Variants in SLC4A4 observed in about 807,000 individuals in gnomAD.
SLC4A4 encodes the protein electrogenic sodium bicarbonate cotransporter 1.
Under a neutral mutation model 111.5 loss-of-function variants are expected in SLC4A4, and 27 were observed. That is an observed-to-expected ratio of 0.24 (90% CI 0.18 to 0.33). The LOEUF (loss-of-function observed/expected upper bound fraction) is 0.33. Ranked by LOEUF, SLC4A4 falls within the 10% of genes least tolerant of loss-of-function variation. The pLI, the probability that SLC4A4 is intolerant of heterozygous loss-of-function variation, is 1.00. For missense variants in SLC4A4, 909 were observed against 1,315.5 expected, an observed-to-expected ratio of 0.69 and a Z score of 4.78; for synonymous variants, 443 against 463.4, an observed-to-expected ratio of 0.96 and a Z score of 0.57.
intron 6 of SLC4A4, among the ~76,000 whole-genome samples, chr4:71,387,678 G>A (rs955270040): frequency 2.2e-4 from 34 of 152,146 alleles, no homozygotes; most frequent in Middle Eastern, 3.4e-3. Flanking sequence ...ATTTTTAGTA[G>A]AGACGGAGTT....
intron 7 of SLC4A4, among the ~76,000 whole-genome samples, chr4:71,402,264 C>A (rs554159883): frequency 1.3e-5 from 2 of 152,108 alleles, no homozygotes; most frequent in African/African-American, 2.4e-5. Flanking sequence ...GGGGAATAAC[C>A]CCCAATCCTT....
At chr4:71,428,830 T>C (rs1723384388) in intron 7 of SLC4A4, among the ~76,000 whole-genome samples, 1 of 151,982 alleles carries the variant, frequency 6.6e-6, no homozygotes, top group South Asian at 2.1e-4. Context: ...ATGTATAGAA[T>C]GAGATAGCAA....
At chr4:71,422,795 T>G (rs1722682460) in intron 7 of SLC4A4, among the ~76,000 whole-genome samples, 1 of 152,156 alleles carries the variant, frequency 6.6e-6, no homozygotes, top group Admixed American at 6.5e-5. Context: ...CAACCCTTCA[T>G]GCTGAAAACT....
intron 7 of SLC4A4, among the ~76,000 whole-genome samples, chr4:71,425,335 GC>G (rs1723024150): frequency 6.6e-6 from 1 of 152,076 alleles, no homozygotes; most frequent in African/African-American, 2.4e-5. Context: ...GAATAGCCTC[GC>G]AGCAAAACAG....
intron 16 of SLC4A4, among the ~76,000 whole-genome samples, chr4:71,520,839 T>C (rs1732863121): frequency 6.6e-6 from 1 of 151,888 alleles, no homozygotes; most frequent in Non-Finnish European, 1.5e-5. Context: ...TCTGTATTTC[T>C]TTTTTTTGGG....
At chr4:71,550,681 A>C (rs1280434480) in intron 20 of SLC4A4, among the ~76,000 whole-genome samples, 1 of 151,932 alleles carries the variant, frequency 6.6e-6, no homozygotes, top group African/African-American at 2.4e-5. Flanking sequence ...TACTTTTTAA[A>C]ATGAAATGGC....
intron 7 of SLC4A4, among the ~76,000 whole-genome samples, chr4:71,422,724 C>G (rs1339241204): frequency 6.6e-6 from 1 of 151,564 alleles, no homozygotes; most frequent in East Asian, 1.9e-4. Flanking sequence ...TAAACAGAGC[C>G]AAAGACAAAA....
intron 1 of SLC4A4, among the ~76,000 whole-genome samples, chr4:71,214,563 C>T (rs779132642): frequency 1.3e-5 from 2 of 152,192 alleles, no homozygotes; most frequent in East Asian, 3.9e-4. Context: ...TTTACTCTTG[C>T]GGGCTTTTGA....
chr4:71,368,263 T>C (rs1471185132), intron 6 of SLC4A4, among the ~76,000 whole-genome samples: 1 of 152,214 alleles, frequency 6.6e-6, no homozygotes, highest in Non-Finnish European at 1.5e-5. Flanking sequence ...AACCATACTG[T>C]ATATGTAGCC....
chr4:71,109,684 AG>A lies in SLC4A4; in HGVS notation c.-2+16894del, dbSNP rs542127428. ...CAGCCTCCCAAGAAGCTGGGACTAC[AG>A]GTGTGCACTGCCACACCAGGCTACG... On this transcript the variant is annotated intron_variant, in intron 2 of 26. Coordinates refer to the SLC4A4 transcript ENST00000649996. Among the ~76,000 whole-genome samples the A allele has an allele frequency of 5.6e-3, 854 of 152,098 alleles. 5 individuals carry two copies. Among genetic ancestry groups the A allele is most frequent in the Non-Finnish European group, 9.9e-3 (672 of 67,986 alleles).
At chr4:71,253,531 C>T (rs193188622) in intron 2 of SLC4A4, among the ~76,000 whole-genome samples, 39 of 152,152 alleles carry the variant, frequency 2.6e-4, no homozygotes, top group South Asian at 8.3e-4. Context: ...CCAAGCATTT[C>T]GTGTTTGATT....
chr4:71,318,005 A>T (rs553501612), intron 3 of SLC4A4, among the ~76,000 whole-genome samples: 31 of 152,180 alleles, frequency 2.0e-4, no homozygotes, highest in Middle Eastern at 6.8e-3. Context: ...GCCAGGAAAA[A>T]ATAGAAAGCA....
intron 5 of SLC4A4, among the ~76,000 whole-genome samples, chr4:71,352,242 C>T (rs765501545): frequency 2.2e-4 from 33 of 152,054 alleles, no homozygotes; most frequent in Non-Finnish European, 4.1e-4. Flanking sequence ...TCAAAAATTA[C>T]ACAAGTTGAA....
At chr4:71,431,291 G>T (rs542522953) in intron 7 of SLC4A4, among the ~76,000 whole-genome samples, 1 of 152,090 alleles carries the variant, frequency 6.6e-6, no homozygotes, top group Non-Finnish European at 1.5e-5. Context: ...GTGGGGAGAA[G>T]GGAGTTAAAA....
intron 5 of SLC4A4, among the ~76,000 whole-genome samples, chr4:71,355,365 TA>T (rs1360677086): frequency 6.6e-6 from 1 of 152,234 alleles, no homozygotes; most frequent in Admixed American, 6.5e-5. Flanking sequence ...AAAGGAAAAG[TA>T]GAGGGGTTGT....
At chr4:71,167,549 T>C (rs544371976) in intron 2 of SLC4A4, among the ~76,000 whole-genome samples, 3 of 152,268 alleles carry the variant, frequency 2.0e-5, no homozygotes, top group Admixed American at 6.5e-5. Context: ...ATCTGTGACA[T>C]TGGCCAAAGA....
chr4:71,262,904 G>A (rs767412348), intron 3 of SLC4A4, among the ~76,000 whole-genome samples: 30 of 151,352 alleles, frequency 2.0e-4, no homozygotes, highest in Non-Finnish European at 4.1e-4. Context: ...GTGTACATGT[G>A]AACAACGTGT....
chr4:71,126,603 A>G (rs2630563), intron 2 of SLC4A4, among the ~76,000 whole-genome samples: 2 of 152,214 alleles, frequency 1.3e-5, no homozygotes, highest in Non-Finnish European at 2.9e-5. Context: ...GAACAAAGGA[A>G]TAATAAGTTC....
At chr4:71,308,601 T>C (rs1725883155) in intron 3 of SLC4A4, among the ~76,000 whole-genome samples, 1 of 152,088 alleles carries the variant, frequency 6.6e-6, no homozygotes, top group African/African-American at 2.4e-5. Context: ...GGTTGTCGCC[T>C]CACCCAGGAA....
Sources: allele counts gnomAD v4.1 joint callset (sites outside exome capture counted in the v4.1 genomes callset), GRCh38; gene constraint gnomAD v4.1.1; transcripts MANE v1.5; gene names NCBI Gene and HGNC (gene_info 2026-07-23, HGNC 2026-07-21).